The following ANKIB1 variants were observed in gnomAD, a reference collection of about 807,000 sequenced individuals.
The protein encoded by ANKIB1 is ankyrin repeat and IBR domain-containing protein 1.
Under a neutral mutation model 122.1 loss-of-function variants are expected in ANKIB1, and 43 were observed. The ratio of observed to expected loss-of-function variants is 0.35; its 90% CI spans 0.28 to 0.45. The LOEUF (loss-of-function observed/expected upper bound fraction) is 0.45. Ranked by LOEUF, ANKIB1 falls within the 20% of genes least tolerant of loss-of-function variation. The pLI is 1.00. For missense variants in ANKIB1, 992 were observed against 1,329.5 expected (o/e 0.75, Z 3.95); for synonymous variants, 390 against 442.0 (o/e 0.88, Z 1.48).
intron 3 of ANKIB1, among the ~76,000 whole-genome samples, chr7:92,310,908 A>G (rs1248961188): frequency 6.6e-6 from 1 of 152,228 alleles, no homozygotes; most frequent in East Asian, 1.9e-4. Context: ...GGCTGACTAT[A>G]CATTAAAATA....
At chr7:92,251,452 G>A (rs1344141555) in intron 1 of ANKIB1, among the ~76,000 whole-genome samples, 1 of 152,050 alleles carries the variant, frequency 6.6e-6, no homozygotes, top group African/African-American at 2.4e-5. Flanking sequence ...CACATTTGCT[G>A]TATCACTAGA....
chr7:92,348,070 C>G (rs749382713), intron 7 of ANKIB1: 17 of 388,254 alleles, frequency 4.4e-5, no homozygotes, highest in Admixed American at 1.8e-4. Flanking sequence ...ACTCCATGTT[C>G]TGCTCATAAA....
chr7:92,379,416 C>T (rs142066718), intron 11 of ANKIB1, among the ~76,000 whole-genome samples: 88 of 152,110 alleles, frequency 5.8e-4, no homozygotes, highest in African/African-American at 1.9e-3. Flanking sequence ...AGAAGTTATA[C>T]GGCGGGATTA....
At chr7:92,254,400 ATACT>A (rs1306453164) in intron 1 of ANKIB1, among the ~76,000 whole-genome samples, 1 of 152,228 alleles carries the variant, frequency 6.6e-6, no homozygotes, top group Non-Finnish European at 1.5e-5. Flanking sequence ...TTTAATTTTA[ATACT>A]TAATGCTAAA....
chr7:92,312,015 A>G (rs1290029185), intron 3 of ANKIB1, among the ~76,000 whole-genome samples: 5 of 152,102 alleles, frequency 3.3e-5, no homozygotes, highest in Non-Finnish European at 7.4e-5. Context: ...GATTCTATTA[A>G]TGATGCTACC....
At chr7:92,296,028 T>C (rs1802348276) in intron 2 of ANKIB1, among the ~76,000 whole-genome samples, 1 of 152,188 alleles carries the variant, frequency 6.6e-6, no homozygotes, top group Non-Finnish European at 1.5e-5. Context: ...CAGAGCTCTT[T>C]GGAACTTGAT....
At chr7:92,313,479 T>A (rs1173484649) in intron 3 of ANKIB1, among the ~76,000 whole-genome samples, 1 of 152,202 alleles carries the variant, frequency 6.6e-6, no homozygotes, top group Non-Finnish European at 1.5e-5. Flanking sequence ...GCCTCTGTTT[T>A]CTAATTTTTA....
At chr7:92,370,879 G>C (rs1309790870) in intron 10 of ANKIB1, among the ~76,000 whole-genome samples, 1 of 152,082 alleles carries the variant, frequency 6.6e-6, no homozygotes, top group Non-Finnish European at 1.5e-5. Flanking sequence ...GAGGTATGAA[G>C]GACCCTAGCT....
chr7:92,307,504 A>C lies in ANKIB1; in HGVS notation c.334A>C (p.Arg112=). ...RLARPTEDDF[R]RADCLQMILK... is the part of the protein sequence containing the mutation. ...GGCACGCCCCACAGAAGATGATTTC[A>C]GAAGAGCAGATTGTCTGCAGATGAT... The change falls in exon 3 of 20, where the codon AGA becomes CGA. Residue 112 remains arginine, a synonymous_variant. Transcript: ENST00000265742. 1 of 1,613,974 alleles carries C rather than the reference A, an allele frequency of 6.2e-7. No individual in the cohort carries two copies. The highest frequency in any genetic ancestry group is 8.5e-7 in the Non-Finnish European group (1 of 1,179,888).
At chr7:92,359,182 A>C (rs1182463822) in intron 9 of ANKIB1, among the ~76,000 whole-genome samples, 1 of 152,118 alleles carries the variant, frequency 6.6e-6, no homozygotes, top group African/African-American at 2.4e-5. Flanking sequence ...TCAACCTGTC[A>C]CCTACATTAG....
At chr7:92,276,731 A>T (rs149964991) in intron 1 of ANKIB1, among the ~76,000 whole-genome samples, 1 of 152,336 alleles carries the variant, frequency 6.6e-6, no homozygotes, top group African/African-American at 2.4e-5. Flanking sequence ...ATAAATTTGG[A>T]CAGCACATAT....
At chr7:92,397,312 C>G (rs910819351) in intron 18 of ANKIB1, among the ~76,000 whole-genome samples, 3 of 151,678 alleles carry the variant, frequency 2.0e-5, no homozygotes, top group Admixed American at 1.3e-4. Context: ...ATGGTGAAAC[C>G]CTATCTCTAC....
chr7:92,303,024 C>T (rs190744045), intron 2 of ANKIB1, among the ~76,000 whole-genome samples: 1 of 139,542 alleles, frequency 7.2e-6, no homozygotes, highest in Admixed American at 7.2e-5. Context: ...AATTGAGGCT[C>T]TGGGAGAAAA....
At chr7:92,252,386 C>CT (rs34891046) in intron 1 of ANKIB1, among the ~76,000 whole-genome samples, 18,621 of 134,168 alleles carry the variant, frequency 0.14, 1,827 homozygotes, top group East Asian at 0.38. Flanking sequence ...TAAGGTACTA[C>CT]TTTTTTTTTT....
At chr7:92,398,122 T>C in intron 19 of ANKIB1, 90 bp from the exon 20 acceptor site, 1 of 1,327,156 alleles carries the variant, frequency 7.5e-7, no homozygotes, top group Middle Eastern at 2.8e-4. Context: ...ATTAATAATC[T>C]GTTGGTAAAG....
intron 1 of ANKIB1, among the ~76,000 whole-genome samples, chr7:92,277,010 G>A (rs1323224759): frequency 6.6e-6 from 1 of 152,126 alleles, no homozygotes; most frequent in African/African-American, 2.4e-5. Flanking sequence ...GTGAGATCTG[G>A]TTGTGTAAAA....
At chr7:92,339,453 A>G (rs1803388413) in intron 5 of ANKIB1, among the ~76,000 whole-genome samples, 1 of 152,140 alleles carries the variant, frequency 6.6e-6, no homozygotes. Context: ...TAGAATTACT[A>G]CCTTTTCATG....
chr7:92,296,076 C>T (rs1013600812), intron 2 of ANKIB1, among the ~76,000 whole-genome samples: 1 of 152,122 alleles, frequency 6.6e-6, no homozygotes, highest in African/African-American at 2.4e-5. Flanking sequence ...CCTGTTTCTT[C>T]CGTGTACAAA....
intron 2 of ANKIB1, among the ~76,000 whole-genome samples, chr7:92,305,606 G>A (rs1243804538): frequency 1.3e-5 from 2 of 152,178 alleles, no homozygotes; most frequent in Non-Finnish European, 2.9e-5. Flanking sequence ...GAACTGGTGG[G>A]GGAGCCTAGT....
Sources: allele counts gnomAD v4.1 joint callset (sites outside exome capture counted in the v4.1 genomes callset), GRCh38; gene constraint gnomAD v4.1.1; transcripts MANE v1.5; gene names NCBI Gene and HGNC (gene_info 2026-07-23, HGNC 2026-07-21).